Variants in TAFA1 observed in about 807,000 individuals in gnomAD.
TAFA1 encodes chemokine-like protein TAFA-1.
A neutral mutation model predicts 18.5 loss-of-function variants in TAFA1; 4 were observed. That is an observed-to-expected ratio of 0.22 (90% CI 0.11 to 0.49). The LOEUF (loss-of-function observed/expected upper bound fraction) is 0.49, where lower values mean the gene tolerates loss of function less well. Among genes scored for constraint, TAFA1 ranks in the 20% least tolerant of loss-of-function variants. The pLI, the probability that TAFA1 is intolerant of heterozygous loss-of-function variation, is 0.98. For synonymous variants in TAFA1, 56 were observed against 55.2 expected (o/e 1.01, Z -0.06); for missense variants, 147 against 169.0 (o/e 0.87, Z 0.72).
chr3:68,460,073 A>G (rs1310689349), intron 3 of TAFA1, among the ~76,000 whole-genome samples: 1 of 152,178 alleles, frequency 6.6e-6, no homozygotes, highest in African/African-American at 2.4e-5. Flanking sequence ...CAGTATGGCT[A>G]AGAAATAGCT....
At chr3:68,179,543 T>C (rs747495970) in intron 2 of TAFA1, among the ~76,000 whole-genome samples, 1 of 152,200 alleles carries the variant, frequency 6.6e-6, no homozygotes, top group Non-Finnish European at 1.5e-5. Context: ...TCTGTACTCC[T>C]TGTGTTTCTA....
chr3:68,134,014 G>C (rs1265129167), intron 2 of TAFA1, among the ~76,000 whole-genome samples: 1 of 150,522 alleles, frequency 6.6e-6, no homozygotes, highest in Non-Finnish European at 1.5e-5. Context: ...AGTTGGACTG[G>C]ACCTCAGAGT....
At chr3:68,485,120 G>A (rs1303778225) in intron 3 of TAFA1, among the ~76,000 whole-genome samples, 1 of 152,056 alleles carries the variant, frequency 6.6e-6, no homozygotes, top group Non-Finnish European at 1.5e-5. Context: ...AGCCTCTGGG[G>A]CCTCTAATCC....
chr3:68,326,883 T>A (rs1358700063), intron 2 of TAFA1, among the ~76,000 whole-genome samples: 6 of 152,174 alleles, frequency 3.9e-5, no homozygotes, highest in Non-Finnish European at 7.4e-5. Context: ...CATCTTTAAA[T>A]AGAGAGTTCC....
At chr3:68,389,715 G>A (rs887572948) in intron 2 of TAFA1, among the ~76,000 whole-genome samples, 3 of 152,058 alleles carry the variant, frequency 2.0e-5, no homozygotes, top group African/African-American at 7.2e-5. Flanking sequence ...CAGAGGGTGA[G>A]CAGAAGCTGG....
upstream of TAFA1, among the ~76,000 whole-genome samples, chr3:68,002,787 C>T (rs563511872): frequency 7.2e-5 from 11 of 152,250 alleles, no homozygotes; most frequent in East Asian, 3.9e-4. Flanking sequence ...ACCTTGTGCA[C>T]GTTCTTTAAT....
chr3:68,028,724 C>T (rs1704868923), intron 2 of TAFA1, among the ~76,000 whole-genome samples: 2 of 150,804 alleles, frequency 1.3e-5, no homozygotes, highest in African/African-American at 4.9e-5. Flanking sequence ...TGTCAAATCT[C>T]CCTCAGCCTC....
intron 3 of TAFA1, among the ~76,000 whole-genome samples, chr3:68,527,514 T>G (rs1363821279): frequency 6.6e-6 from 1 of 152,188 alleles, no homozygotes; most frequent in Admixed American, 6.5e-5. Flanking sequence ...AAAAACAGTT[T>G]TGTTAATTAC....
At chr3:68,159,183 A>C (rs903719600) in intron 2 of TAFA1, among the ~76,000 whole-genome samples, 2 of 152,198 alleles carry the variant, frequency 1.3e-5, no homozygotes, top group African/African-American at 4.8e-5. Context: ...ATAGAAGATG[A>C]TAGCACACCA....
chr3:68,095,934 A>G (rs908498819), intron 2 of TAFA1, among the ~76,000 whole-genome samples: 1 of 152,148 alleles, frequency 6.6e-6, no homozygotes, highest in Non-Finnish European at 1.5e-5. Context: ...CACCAGAAGC[A>G]TTTATCATTT....
intron 1 of TAFA1, among the ~76,000 whole-genome samples, chr3:68,005,583 C>T (rs1210555769): frequency 6.6e-6 from 1 of 152,096 alleles, no homozygotes; most frequent in Non-Finnish European, 1.5e-5. Context: ...AGCACGTTTT[C>T]AACGTATAGT....
intron 3 of TAFA1, among the ~76,000 whole-genome samples, chr3:68,495,205 C>T (rs768854751): frequency 9.2e-5 from 14 of 152,172 alleles, no homozygotes; most frequent in Non-Finnish European, 1.8e-4. Context: ...TACTTAGCAA[C>T]ATTTGGTGCT....
chr3:68,167,015 A>G (rs182622070), intron 2 of TAFA1, among the ~76,000 whole-genome samples: 103 of 152,288 alleles, frequency 6.8e-4, no homozygotes, highest in African/African-American at 2.3e-3. Flanking sequence ...TAAGGTTTAT[A>G]AAGGTTTTGC....
At chr3:68,380,475 T>C (rs1263101667) in intron 2 of TAFA1, among the ~76,000 whole-genome samples, 1 of 152,200 alleles carries the variant, frequency 6.6e-6, no homozygotes, top group African/African-American at 2.4e-5. Context: ...TGGTGTGTGA[T>C]GGTATCTCAT....
At chr3:68,330,355 G>A (rs1258417320) in intron 2 of TAFA1, among the ~76,000 whole-genome samples, 1 of 152,162 alleles carries the variant, frequency 6.6e-6, no homozygotes, top group Non-Finnish European at 1.5e-5. Flanking sequence ...TGCAACTGGA[G>A]AGTAAGGCTG....
intron 2 of TAFA1, among the ~76,000 whole-genome samples, chr3:68,168,655 T>C (rs552899533): frequency 1.6e-4 from 25 of 152,334 alleles, no homozygotes; most frequent in African/African-American, 6.0e-4. Flanking sequence ...TATTCCTGAT[T>C]ATTTTGGAGT....
At chr3:68,173,578 A>T (rs893789614) in intron 2 of TAFA1, among the ~76,000 whole-genome samples, 2 of 152,214 alleles carry the variant, frequency 1.3e-5, no homozygotes, top group Non-Finnish European at 2.9e-5. Context: ...TAAAAACTTC[A>T]AACACTTAAG....
intron 3 of TAFA1, among the ~76,000 whole-genome samples, chr3:68,421,144 C>T (rs1206320965): frequency 2.0e-5 from 3 of 152,072 alleles, no homozygotes; most frequent in African/African-American, 7.2e-5. Context: ...GTATCTAGCC[C>T]TAAGATTTGT....
At chr3:68,011,492 T>A (rs566397206) in intron 2 of TAFA1, among the ~76,000 whole-genome samples, 40 of 152,342 alleles carry the variant, frequency 2.6e-4, no homozygotes, top group African/African-American at 9.6e-4. Flanking sequence ...ATATTTTTGT[T>A]AAAATATTAA....
Sources: gnomAD v4.1 joint callset for allele counts (sites outside exome capture counted in the v4.1 genomes callset) on GRCh38, gnomAD v4.1.1 for gene constraint, MANE v1.5 for transcripts, NCBI Gene and HGNC (gene_info 2026-07-23, HGNC 2026-07-21) for gene names.